Variants in MCTP1 observed in about 807,000 individuals in gnomAD.
MCTP1 encodes multiple C2 and transmembrane domain-containing protein 1.
Under a neutral mutation model 120.6 loss-of-function variants are expected in MCTP1, and 69 were observed. That is an observed-to-expected ratio of 0.57 (90% CI 0.47 to 0.70). The LOEUF (loss-of-function observed/expected upper bound fraction) is 0.70, where lower values mean the gene tolerates loss of function less well. MCTP1 is among the 30% of genes least tolerant of loss of function. The probability of loss-of-function intolerance (pLI) is 0.00; values close to 1 mark genes in which losing one functional copy is unlikely to be tolerated. For synonymous variants in MCTP1, 529 were observed against 493.1 expected, an observed-to-expected ratio of 1.07 and a Z score of -0.96; for missense variants, 1,203 against 1,248.8, an observed-to-expected ratio of 0.96 and a Z score of 0.55.
Position 94,776,483 on chromosome 5 carries a change from T to C in MCTP1, c.2610+2627A>G, listed in dbSNP as rs1430336459. On this transcript the variant is annotated intron_variant, in intron 19 of 22. Coordinates refer to ENST00000515393, the MANE Select transcript of MCTP1 (RefSeq NM_024717.7). The stretch of plus-strand genomic sequence containing the variant: ...AAGGTTATAGGACTAATAGCTGCCT[T>C]GTGGTAATCAGGGAAAGCCAAGACA... Among the ~76,000 whole-genome samples the C allele has an allele frequency of 4.6e-5, 7 of 152,274 alleles. No homozygotes were observed. The East Asian group carries it at 1.4e-3, about 29-fold the overall frequency.
At chr5:94,742,852 A>G (rs1179994158) in intron 19 of MCTP1, among the ~76,000 whole-genome samples, 1 of 152,128 alleles carries the variant, frequency 6.6e-6, no homozygotes, top group Admixed American at 6.5e-5. Context: ...GCAATAATTC[A>G]CTCATTGAAA....
At chr5:94,857,937 TTTGGA>T (rs1264025651) in intron 17 of MCTP1, among the ~76,000 whole-genome samples, 5 of 151,670 alleles carry the variant, frequency 3.3e-5, no homozygotes, top group African/African-American at 1.2e-4. Flanking sequence ...GCTGGAATAA[TTTGGA>T]TCCATATAAT....
intron 1 of MCTP1, among the ~76,000 whole-genome samples, chr5:95,070,456 T>A (rs979938): frequency 0.93 from 142,268 of 152,318 alleles, 67,217 homozygotes; most frequent in East Asian, 1. Flanking sequence ...ACCTCTCAGC[T>A]TCCACAGCCA....
intron 2 of MCTP1, among the ~76,000 whole-genome samples, chr5:94,966,232 A>C (rs2153566754): frequency 6.6e-6 from 1 of 152,312 alleles, no homozygotes; most frequent in South Asian, 2.1e-4. Flanking sequence ...CTCCAAGCCC[A>C]ATGTTTCTTC....
intron 19 of MCTP1, among the ~76,000 whole-genome samples, chr5:94,776,941 T>A (rs192182645): frequency 2.0e-5 from 3 of 152,358 alleles, no homozygotes; most frequent in African/African-American, 7.2e-5. Context: ...TATTTCAAGA[T>A]GTCCACAAGA....
chr5:94,844,448 T>A (rs1185626350), intron 17 of MCTP1, among the ~76,000 whole-genome samples: 4 of 152,090 alleles, frequency 2.6e-5, no homozygotes, highest in Non-Finnish European at 5.9e-5. Flanking sequence ...GAAATTTACA[T>A]TTTTTTCAAC....
At chr5:95,217,810 T>G (rs976355163) in intron 1 of MCTP1, among the ~76,000 whole-genome samples, 4 of 152,184 alleles carry the variant, frequency 2.6e-5, no homozygotes, top group Non-Finnish European at 2.9e-5. Context: ...TTAAGACAAT[T>G]GAGGCAGCCT....
intron 2 of MCTP1, among the ~76,000 whole-genome samples, chr5:94,982,548 T>C (rs1230869106): frequency 1.3e-5 from 2 of 151,954 alleles, no homozygotes; most frequent in Non-Finnish European, 2.9e-5. Context: ...GTTACTTATA[T>C]GGCAAAAGGG....
chr5:94,982,884 CAAA>C (rs34561115), intron 2 of MCTP1, among the ~76,000 whole-genome samples: 262 of 28,566 alleles, frequency 9.2e-3, no homozygotes, highest in Middle Eastern at 0.028. Flanking sequence ...CACACTTCAT[CAAA>C]AAAAAAAAAA....
intron 19 of MCTP1, among the ~76,000 whole-genome samples, chr5:94,738,008 G>A (rs1764658870): frequency 6.6e-6 from 1 of 152,190 alleles, no homozygotes; most frequent in Non-Finnish European, 1.5e-5. Flanking sequence ...CTAGCTAAAT[G>A]CCATTCATCA....
chr5:94,997,931 C>G (rs1420451801), intron 2 of MCTP1, among the ~76,000 whole-genome samples: 2 of 152,072 alleles, frequency 1.3e-5, no homozygotes, highest in South Asian at 4.2e-4. Context: ...TTAAAATACA[C>G]ACATACTGAG....
At chr5:94,998,294 C>T (rs959991507) in intron 2 of MCTP1, among the ~76,000 whole-genome samples, 6 of 152,126 alleles carry the variant, frequency 3.9e-5, no homozygotes, top group African/African-American at 1.4e-4. Flanking sequence ...GTATCCCTGG[C>T]TAACAGAGGA....
intron 1 of MCTP1, among the ~76,000 whole-genome samples, chr5:95,208,758 G>T (rs373108828): frequency 1.3e-5 from 2 of 151,296 alleles, no homozygotes; most frequent in African/African-American, 4.9e-5. Flanking sequence ...TAGAACATAT[G>T]TATTATCCTT....
chr5:94,912,318 G>A (rs999110655), intron 9 of MCTP1, among the ~76,000 whole-genome samples: 4 of 151,010 alleles, frequency 2.6e-5, no homozygotes, highest in South Asian at 2.1e-4. Flanking sequence ...CCAGCTACTC[G>A]GGAGGCTGAG....
At chr5:94,996,323 A>G (rs560485860) in intron 2 of MCTP1, among the ~76,000 whole-genome samples, 3 of 152,328 alleles carry the variant, frequency 2.0e-5, no homozygotes, top group African/African-American at 4.8e-5. Flanking sequence ...TCGAATTAGA[A>G]TAAGTCATGC....
chr5:95,253,037 C>T (rs1757525178), intron 1 of MCTP1, among the ~76,000 whole-genome samples: 1 of 152,122 alleles, frequency 6.6e-6, no homozygotes, highest in Admixed American at 6.6e-5. Context: ...TTTTCTAAAA[C>T]TGTCTGTTGC....
rs138210573 is a variant in MCTP1 at position 95,208,103 on chromosome 5, G to A, written c.720+75753C>T. On this transcript the variant is annotated intron_variant, in intron 1 of 22. Transcript: ENST00000515393. Reference sequence around the variant, plus strand: ...AGATTACCCTGTTGTTGTTGTTGTTGTTTGAGAGGAAGTTTTGCTCCTGTT... The same window carrying A: ...AGATTACCCTGTTGTTGTTGTTGTTATTTGAGAGGAAGTTTTGCTCCTGTT... Among the ~76,000 whole-genome samples the A allele has an allele frequency of 5.9e-5, 9 of 152,156 alleles. No individual in the cohort carries two copies. The East Asian group carries it at 1.6e-3, about 26-fold the overall frequency.
intron 12 of MCTP1, among the ~76,000 whole-genome samples, chr5:94,875,952 G>A (rs1798782833): frequency 6.6e-6 from 1 of 151,962 alleles, no homozygotes; most frequent in African/African-American, 2.4e-5. Context: ...TCCACACTAT[G>A]TTATGTTTGA....
chr5:95,096,517 G>A lies in MCTP1; in HGVS notation c.721-79033C>T, dbSNP rs555691618. Among the ~76,000 whole-genome samples the A allele has an allele frequency of 8.5e-5, 13 of 152,218 alleles. No individual in the cohort carries two copies. In the South Asian group the frequency reaches 2.3e-3, roughly 27 times the overall value. ...TAAAAGTAGTGAAAAAATGGGAAGGGATAGAGTGCATGTGAAGCAAGAGAG... is the reference window on the plus strand; with the variant it reads ...TAAAAGTAGTGAAAAAATGGGAAGGAATAGAGTGCATGTGAAGCAAGAGAG... On this transcript the variant is annotated intron_variant, in intron 1 of 22. Transcript: ENST00000515393.
Sources: allele counts gnomAD v4.1 joint callset (sites outside exome capture counted in the v4.1 genomes callset), GRCh38; gene constraint gnomAD v4.1.1; transcripts MANE v1.5; gene names NCBI Gene and HGNC (gene_info 2026-07-23, HGNC 2026-07-21).